CACNA1H: variants seen among roughly 807,000 people sequenced by gnomAD.
CACNA1H encodes calcium voltage-gated channel subunit alpha1 H.
CACNA1H carries 149 observed loss-of-function variants against 192.5 expected under a neutral mutation model. The observed-to-expected ratio is 0.77, with a 90% CI of 0.68 to 0.89. The LOEUF (loss-of-function observed/expected upper bound fraction) is 0.89. Ranked by LOEUF, CACNA1H falls within the 40% of genes least tolerant of loss-of-function variation. CACNA1H has a pLI of 0.00. For synonymous variants in CACNA1H, 2,202 were observed against 1,475.2 expected (o/e 1.49, Z -11.29); for missense variants, 4,257 against 3,423.5 (o/e 1.24, Z -6.08).
chr16:1,212,451 G>C (rs1264846806), intron 25 of CACNA1H, 60 bp from the exon 26 acceptor site: 2 of 1,526,528 alleles, frequency 1.3e-6, no homozygotes, highest in Non-Finnish European at 1.8e-6. Context: ...AGAGCAGGGA[G>C]GGCTCCAGGC....
chr16:1,160,854 G>C (rs1284020103), intron 2 of CACNA1H, among the ~76,000 whole-genome samples: 1 of 152,150 alleles, frequency 6.6e-6, no homozygotes, highest in Non-Finnish European at 1.5e-5. Flanking sequence ...GCCCCGTGCA[G>C]CGTCAACCCG....
In CACNA1H at chr16:1,208,898, C is replaced by T. The variant is rs561282991; in HGVS notation, c.3364-134C>T. On this transcript the variant is annotated intron_variant, in intron 16 of 34. Transcript: ENST00000348261. Reference sequence around the variant, plus strand: ...CTCGGTGTCCCCCTAAAATCACAGCCTCCACCGTGCCTCCCTGGCGGGGCT... The same window carrying T: ...CTCGGTGTCCCCCTAAAATCACAGCTTCCACCGTGCCTCCCTGGCGGGGCT... 197 of 977,260 alleles carry T rather than the reference C, an allele frequency of 2.0e-4. 2 individuals carry two copies. The East Asian group carries it at 5.9e-3, about 29-fold the overall frequency. The allele number at this position is 977,260 out of a possible 1,614,324, so 60.5% of individuals were successfully genotyped here. A position where few individuals can be genotyped will look rare whatever the true frequency, so the allele number is the denominator to read the frequency against.
Position 1,200,378 on chromosome 16 carries a change from G to A in CACNA1H, c.926G>A (p.Arg309His), listed in dbSNP as rs201651793. The A allele has an allele frequency of 4.2e-5, 68 of 1,601,730 alleles. No homozygotes were observed. The African/African-American group carries it at 7.8e-4, about 18-fold the overall frequency. ...MQKCSHIPGR[R>H]ELRMPCTLGW... The stretch of plus-strand genomic sequence containing the variant: ...AAGTGCTCGCACATCCCCGGCCGCC[G>A]CGAGCTGCGCATGCCCTGCACCCTG... The change falls in exon 7 of 35, where the codon CGC becomes CAC. Residue 309 changes from arginine to histidine, a missense_variant. Physicochemically the swap from Arg to His is conservative, Grantham distance 29. Coordinates refer to ENST00000348261, the MANE Select transcript of CACNA1H (RefSeq NM_021098.3).
chr16:1,178,561 A>T (rs1965148271), intron 2 of CACNA1H, among the ~76,000 whole-genome samples: 1 of 152,076 alleles, frequency 6.6e-6, no homozygotes, highest in South Asian at 2.1e-4. Flanking sequence ...CCGCAGGAGG[A>T]GCCGGCCCTG....
At chr16:1,193,153 C>T (rs1262833182) in intron 2 of CACNA1H, among the ~76,000 whole-genome samples, 1 of 152,202 alleles carries the variant, frequency 6.6e-6, no homozygotes, top group African/African-American at 2.4e-5. Context: ...TTGAGCTCCT[C>T]CCCGCCAGCC....
chr16:1,211,380 G>A, intron 22 of CACNA1H, 86 bp downstream of exon 22: 3 of 1,605,684 alleles, frequency 1.9e-6, no homozygotes, highest in South Asian at 2.2e-5. Flanking sequence ...CGCCGCTGCG[G>A]GACGGGGAGG....
intron 2 of CACNA1H, among the ~76,000 whole-genome samples, chr16:1,194,590 C>T (rs969997708): frequency 3.3e-5 from 5 of 152,326 alleles, no homozygotes; most frequent in Admixed American, 6.5e-5. Context: ...CCCCCCAGCG[C>T]GGGAGCCCTA....
chr16:1,207,013 G>T lies in CACNA1H; in HGVS notation c.2802G>T (p.Met934Ile). ...LFIFIFSILG[M>I]HLFGCKFSLK... ...CCCCCACCCTCAGCATCCTGGGCAT[G>T]CACCTTTTCGGCTGCAAGTTCAGCC... is the stretch of plus-strand genomic sequence containing the variant. Residue 934 changes from methionine (M) to isoleucine (I), a missense_variant, in exon 13 of 35, where the codon ATG becomes ATT. Transcript: ENST00000348261. The T allele has an allele frequency of 6.3e-7, 1 of 1,589,242 alleles. No homozygotes were observed. Among genetic ancestry groups the T allele is most frequent in the Non-Finnish European group, 8.6e-7 (1 of 1,167,802 alleles).
intron 2 of CACNA1H, among the ~76,000 whole-genome samples, chr16:1,193,787 G>T (rs978606129): frequency 3.9e-5 from 6 of 152,272 alleles, no homozygotes; most frequent in African/African-American, 1.4e-4. Flanking sequence ...GGCTTGGTGG[G>T]AGGGAGGGTT....
chr16:1,166,741 C>T (rs1364906023), intron 2 of CACNA1H, among the ~76,000 whole-genome samples: 2 of 152,162 alleles, frequency 1.3e-5, no homozygotes, highest in Non-Finnish European at 2.9e-5. Context: ...GCGGGCCGGT[C>T]GTCCATCCTC....
At chr16:1,190,531 T>A (rs1419306955) in intron 2 of CACNA1H, among the ~76,000 whole-genome samples, 2 of 152,146 alleles carry the variant, frequency 1.3e-5, no homozygotes, top group Non-Finnish European at 2.9e-5. Flanking sequence ...CACTGGGACC[T>A]GGTACATCTG....
intron 6 of CACNA1H, 64 bp downstream of exon 6, chr16:1,198,838 C>T (rs1009300588): frequency 1.3e-6 from 2 of 1,483,284 alleles, no homozygotes; most frequent in East Asian, 2.4e-5. Context: ...GCAGATAACG[C>T]ACCATGTGGC....
chr16:1,215,025 C>A lies in CACNA1H; in HGVS notation c.4983C>A (p.Val1661=), dbSNP rs61382101. The A allele has an allele frequency of 8.9e-4, 1,438 of 1,613,028 alleles. 7 individuals are homozygous for A. In the African/African-American group the frequency reaches 0.017, roughly 19 times the overall value. ...YCNYVFTIVF[V]FEAALKLVAF... is the part of the protein sequence containing the mutation. ...ACTACGTCTTCACCATCGTGTTTGT[C>A]TTCGAGGCTGCACTGAAGCTGGTAG... Residue 1661 remains valine, a synonymous_variant, in exon 28 of 35, where the codon GTC becomes GTA. Coordinates refer to ENST00000348261, the MANE Select transcript of CACNA1H (RefSeq NM_021098.3).
chr16:1,167,806 T>C lies in CACNA1H; in HGVS notation c.299+13770T>C, dbSNP rs917417418. On this transcript the variant is annotated intron_variant, in intron 2 of 34. Coordinates refer to ENST00000348261, the MANE Select transcript of CACNA1H (RefSeq NM_021098.3). The surrounding 1 kb of genome is among the most constrained non-coding windows in gnomAD (Gnocchi z 4.2). ...GACACCTGGAGCTGTGGCGCTGGTG[T>C]GTGCTTAGAAAGTGCACCTGCGAGG... Among the ~76,000 whole-genome samples the C allele has an allele frequency of 2.6e-5, 4 of 152,266 alleles. No homozygotes were observed. The highest frequency in any genetic ancestry group is 6.5e-5 in the Admixed American group (1 of 15,304).
chr16:1,185,877 G>A (rs1737402), intron 2 of CACNA1H, among the ~76,000 whole-genome samples: 1 of 22,958 alleles, frequency 4.4e-5, no homozygotes, highest in Non-Finnish European at 1.1e-4. Flanking sequence ...CGTAGGGGCC[G>A]GAGGCGGGGT....
At chr16:1,172,272 C>G (rs1035380850) in intron 2 of CACNA1H, among the ~76,000 whole-genome samples, 2 of 152,174 alleles carry the variant, frequency 1.3e-5, no homozygotes, top group Non-Finnish European at 2.9e-5. Context: ...TGGGGCTCCC[C>G]CCACAGTGCA....
intron 30 of CACNA1H, 117 bp from the exon 31 acceptor site, chr16:1,216,815 C>T (rs1970063626): frequency 1.2e-6 from 1 of 845,050 alleles, no homozygotes; most frequent in East Asian, 2.7e-5. Context: ...GGGCCCGGAG[C>T]ACCTGGAAGA....
chr16:1,177,469 G>A (rs183988686), intron 2 of CACNA1H, among the ~76,000 whole-genome samples: 266 of 152,346 alleles, frequency 1.7e-3, no homozygotes, highest in Non-Finnish European at 3.2e-3. Context: ...GCGGCTCACG[G>A]TCACACGTCT....
chr16:1,173,557 C>T (rs140638100), intron 2 of CACNA1H, among the ~76,000 whole-genome samples: 1 of 152,222 alleles, frequency 6.6e-6, no homozygotes, highest in African/African-American at 2.4e-5. Flanking sequence ...GTTAACATAA[C>T]ACGTCCTTTT....
Sources: allele counts gnomAD v4.1 joint callset (sites outside exome capture counted in the v4.1 genomes callset), GRCh38; gene constraint gnomAD v4.1.1; non-coding constraint Gnocchi (gnomAD v3.1); transcripts MANE v1.5; gene names NCBI Gene and HGNC (gene_info 2026-07-23, HGNC 2026-07-21).